The following WDR11 variants were observed in gnomAD, a reference collection of about 807,000 sequenced individuals.
WDR11 encodes the protein WD repeat domain 11.
A neutral mutation model predicts 151.2 loss-of-function variants in WDR11; 83 were observed. The ratio of observed to expected loss-of-function variants is 0.55; its 90% CI spans 0.46 to 0.66. The LOEUF (loss-of-function observed/expected upper bound fraction) is 0.66, where lower values mean the gene tolerates loss of function less well. Among genes scored for constraint, WDR11 ranks in the 30% least tolerant of loss-of-function variants. The pLI, the probability that WDR11 is intolerant of heterozygous loss-of-function variation, is 0.00. For synonymous variants in WDR11, 484 were observed against 533.1 expected (o/e 0.91, Z 1.27); for missense variants, 1,301 against 1,480.9 (o/e 0.88, Z 1.99).
chr10:120,894,741 C>T (rs535238801), intron 19 of WDR11, among the ~76,000 whole-genome samples: 30 of 148,302 alleles, frequency 2.0e-4, no homozygotes, highest in African/African-American at 6.5e-4. Flanking sequence ...ATAACTTTAG[C>T]CCAGATGGAG....
chr10:120,886,889 C>T, intron 16 of WDR11, 53 bp downstream of exon 16: 2 of 1,599,930 alleles, frequency 1.3e-6, no homozygotes, highest in African/African-American at 1.3e-5. Context: ...TTTGTTGGTT[C>T]CATATCCAGT....
intron 6 of WDR11, 41 bp downstream of exon 6, chr10:120,865,253 G>C: frequency 6.3e-7 from 1 of 1,591,534 alleles, no homozygotes; most frequent in African/African-American, 1.3e-5. Flanking sequence ...AAATTATTAA[G>C]AATGTTATAT....
intron 19 of WDR11, among the ~76,000 whole-genome samples, chr10:120,891,737 T>G (rs1259800187): frequency 6.6e-6 from 1 of 152,238 alleles, no homozygotes. Flanking sequence ...GGTTTTTCAC[T>G]TTGTGTTCAT....
At chr10:120,901,828 G>A (rs936638686) in intron 21 of WDR11, among the ~76,000 whole-genome samples, 2 of 152,120 alleles carry the variant, frequency 1.3e-5, no homozygotes, top group Admixed American at 6.5e-5. Flanking sequence ...TTAGAAATAC[G>A]AACTTATAAA....
chr10:120,902,488 A>C (rs1037482154), intron 22 of WDR11, among the ~76,000 whole-genome samples, 166 bp downstream of exon 22: 1 of 152,196 alleles, frequency 6.6e-6, no homozygotes, highest in African/African-American at 2.4e-5. Flanking sequence ...ATAGGGAAAA[A>C]TCAAATTGCA....
At chr10:120,865,318 T>C in intron 6 of WDR11, 106 bp downstream of exon 6, 2 of 1,186,132 alleles carry the variant, frequency 1.7e-6, no homozygotes, top group Non-Finnish European at 2.4e-6. Context: ...CACTTTCTCT[T>C]TTCAATTTAT....
intron 27 of WDR11, 110 bp from the exon 28 acceptor site, chr10:120,906,666 G>A (rs905822364): frequency 7.5e-6 from 12 of 1,594,532 alleles, no homozygotes; most frequent in East Asian, 2.3e-5. Flanking sequence ...TCTTAATGCA[G>A]TATGCAGGTT....
At chr10:120,888,457 T>G (rs922792313) in intron 16 of WDR11, among the ~76,000 whole-genome samples, 2 of 152,220 alleles carry the variant, frequency 1.3e-5, no homozygotes, top group Non-Finnish European at 2.9e-5. Context: ...AACTGCAAGT[T>G]CCTTTCTTCC....
At chr10:120,852,408 A>G (rs1590047666) in intron 1 of WDR11, 116 bp from the exon 2 acceptor site, 1 of 855,082 alleles carries the variant, frequency 1.2e-6, no homozygotes. Flanking sequence ...TTGGGTTTAA[A>G]TGATTTTATT....
chr10:120,855,416 A>G (rs1247683503), intron 2 of WDR11, among the ~76,000 whole-genome samples: 2 of 151,420 alleles, frequency 1.3e-5, no homozygotes, highest in African/African-American at 4.9e-5. Context: ...GGATTGATAC[A>G]TGATTTGCAA....
At chr10:120,874,176 G>GTTTTTTTTTTTTTTTTTTTTTTTTTTT (rs66873217) in intron 11 of WDR11, among the ~76,000 whole-genome samples, 8 of 83,488 alleles carry the variant, frequency 9.6e-5, no homozygotes, top group African/African-American at 2.5e-4. Flanking sequence ...GGTTTTTGCA[G>GTTTTTTTTTTTTTTTTTTTTTTTTTTT]TTTTTTTTTT....
chr10:120,901,113 T>A lies in WDR11; in HGVS notation c.2687+15T>A, dbSNP rs779628128. The A allele has an allele frequency of 6.3e-7, 1 of 1,585,620 alleles. No homozygotes were observed. Reference sequence around the variant, plus strand: ...TCATTGTCTAAGTAAGCACTCCATGTTTCATTAGAAGATAGGAATATGAGA... The same window carrying A: ...TCATTGTCTAAGTAAGCACTCCATGATTCATTAGAAGATAGGAATATGAGA... On this transcript the variant is annotated intron_variant, in intron 21 of 28. Coordinates refer to ENST00000263461, the MANE Select transcript of WDR11 (RefSeq NM_018117.12).
intron 11 of WDR11, among the ~76,000 whole-genome samples, chr10:120,874,958 C>T (rs1846711897): frequency 6.6e-6 from 1 of 152,016 alleles, no homozygotes; most frequent in African/African-American, 2.4e-5. Flanking sequence ...AATGCTCTCC[C>T]TCCCCTTGCC....
In WDR11 at chr10:120,860,159, A is replaced by C. The variant is rs1421777263; in HGVS notation, c.403A>C (p.Ile135Leu). 1.9e-6 allele frequency: 3 copies of C among 1,614,118 alleles called. No individual in the cohort carries two copies. The highest frequency in any genetic ancestry group is 1.7e-6 in the Non-Finnish European group (2 of 1,180,010). ...TGCTTCCCGCGATTTACTGCTTGCT[A>C]TCCACCCGCCAAATTACATTGTGCT... ...QDASRDLLLAIHPPNYIVLWN... is the reference protein window; with the variant it reads ...QDASRDLLLALHPPNYIVLWN... The change falls in exon 4 of 29, where the codon ATC becomes CTC. Residue 135 changes from isoleucine to leucine, a missense_variant. Coordinates refer to ENST00000263461, the MANE Select transcript of WDR11 (RefSeq NM_018117.12).
At chr10:120,873,981 A>T in intron 11 of WDR11, 58 bp downstream of exon 11, 1 of 1,204,722 alleles carries the variant, frequency 8.3e-7, no homozygotes, top group East Asian at 2.3e-5. Flanking sequence ...AAAAATTCTC[A>T]TAGACTTTTC....
chr10:120,870,364 G>A (rs1846494193), intron 9 of WDR11, among the ~76,000 whole-genome samples: 1 of 151,808 alleles, frequency 6.6e-6, no homozygotes, highest in Non-Finnish European at 1.5e-5. Context: ...TTCTATTTTT[G>A]GCAAGTTAAT....
rs746799574 is a variant in WDR11 at position 120,883,807 on chromosome 10, T to G, written c.1767T>G (p.Asp589Glu). ...AGTATTTGGCAGTCGTATTCAGAGA[T>G]AAACCCCTGGAGCTATGGGATGTTA... Reference protein sequence around the residue: ...LKQYLAVVFRDKPLELWDVRT... With the variant: ...LKQYLAVVFREKPLELWDVRT... Residue 589 changes from aspartate to glutamate, a missense_variant, in exon 14 of 29, where the codon GAT becomes GAG. Transcript: ENST00000263461. The G allele has an allele frequency of 6.2e-7, 1 of 1,613,544 alleles. No homozygotes were observed. Among genetic ancestry groups the G allele is most frequent in the Non-Finnish European group, 8.5e-7 (1 of 1,179,602 alleles).
intron 19 of WDR11, among the ~76,000 whole-genome samples, chr10:120,896,540 C>A (rs944489539): frequency 7.2e-5 from 11 of 152,104 alleles, no homozygotes; most frequent in East Asian, 1.9e-4. Context: ...CACACACACA[C>A]AAAAACAGTT....
intron 12 of WDR11, chr10:120,879,373 A>G (rs529756884): frequency 2.6e-5 from 4 of 152,250 alleles, no homozygotes; most frequent in South Asian, 2.1e-4. Context: ...TTGCTGCTCT[A>G]GTCTCATTGG....
Sources: allele counts gnomAD v4.1 joint callset (sites outside exome capture counted in the v4.1 genomes callset), GRCh38; gene constraint gnomAD v4.1.1; transcripts MANE v1.5; gene names NCBI Gene and HGNC (gene_info 2026-07-23, HGNC 2026-07-21).